Variants in SMARCA2 observed in about 807,000 individuals in gnomAD.
The protein encoded by SMARCA2 is SWI/SNF-related matrix-associated actin-dependent regulator of chromatin subfamily A member 2.
Under a neutral mutation model 199.8 loss-of-function variants are expected in SMARCA2, and 61 were observed. That is an observed-to-expected ratio of 0.31 (90% CI 0.25 to 0.38). The LOEUF (loss-of-function observed/expected upper bound fraction) is 0.38. Ranked by LOEUF, SMARCA2 falls within the 10% of genes least tolerant of loss-of-function variation. The pLI is 1.00. For synonymous variants in SMARCA2, 935 were observed against 732.0 expected, an observed-to-expected ratio of 1.28 and a Z score of -4.48; for missense variants, 1,344 against 2,012.2, an observed-to-expected ratio of 0.67 and a Z score of 6.35.
Position 2,110,841 on chromosome 9 carries a change from TG to T in SMARCA2, c.3456+425del, listed in dbSNP as rs1822961538. Among the ~76,000 whole-genome samples the T allele has an allele frequency of 6.6e-6, 1 of 152,216 alleles. No homozygotes were observed. The highest frequency in any genetic ancestry group is 2.4e-5 in the African/African-American group (1 of 41,448). ...ACCCTGTCAGACGGTTAATATGATT[TG>T]AATCTTTGCAGTCAAGGAAACTGAA... On this transcript the variant is annotated intron_variant, in intron 24 of 33. Coordinates refer to ENST00000349721, the MANE Select transcript of SMARCA2 (RefSeq NM_003070.5). This position sits in a 1 kb window ranked among gnomAD's most constrained non-coding sequence, Gnocchi z 4.8.
In SMARCA2 at chr9:2,163,764, G is replaced by C. The variant is rs3793506; in HGVS notation, c.4199+1861G>C. 6.6e-5 allele frequency among the ~76,000 whole-genome samples: 10 copies of C among 152,290 alleles called. No individual in the cohort carries two copies. In the East Asian group the frequency reaches 1.7e-3, roughly 26 times the overall value. On this transcript the variant is annotated intron_variant, in intron 28 of 33. Transcript: ENST00000349721. ...CTGTTATAACACTGAGAAGGGCCAG[G>C]AAAGTCCTTGGAGGTTGAGAAGCTA...
At chr9:2,082,837 A>T (rs949315231) in intron 15 of SMARCA2, among the ~76,000 whole-genome samples, 1 of 152,198 alleles carries the variant, frequency 6.6e-6, no homozygotes, top group African/African-American at 2.4e-5. Flanking sequence ...ATATTTAGGC[A>T]TCTTTTGCAT....
At chr9:2,053,825 A>G (rs74572827) in intron 5 of SMARCA2, among the ~76,000 whole-genome samples, 183 of 152,328 alleles carry the variant, frequency 1.2e-3, no homozygotes, top group African/African-American at 4.3e-3. Context: ...GTGAATGGCT[A>G]AAGTCAGAGG....
chr9:2,061,385 G>A (rs1820582785), intron 9 of SMARCA2, among the ~76,000 whole-genome samples: 1 of 152,184 alleles, frequency 6.6e-6, no homozygotes, highest in African/African-American at 2.4e-5. Context: ...GTTGGAAGAA[G>A]CCAGAGGAAG....
chr9:2,156,741 A>G (rs1008173923), intron 27 of SMARCA2, among the ~76,000 whole-genome samples: 3 of 152,126 alleles, frequency 2.0e-5, no homozygotes, highest in Admixed American at 1.3e-4. Flanking sequence ...CATTGTAGCC[A>G]TTTCAAGTGT....
At chr9:2,121,102 A>G (rs1823441659) in intron 26 of SMARCA2, among the ~76,000 whole-genome samples, 1 of 152,250 alleles carries the variant, frequency 6.6e-6, no homozygotes, top group African/African-American at 2.4e-5. Context: ...GGAGAGGACA[A>G]GCTGCTTGCC....
chr9:2,116,778 A>G (rs142531567), intron 25 of SMARCA2, among the ~76,000 whole-genome samples: 1,626 of 152,346 alleles, frequency 0.011, 17 homozygotes, highest in Non-Finnish European at 0.016. Flanking sequence ...ACGTATGTAT[A>G]TAGTGTAGCA....
intron 4 of SMARCA2, chr9:2,041,127 T>C (rs1819586835): frequency 5.3e-6 from 2 of 379,492 alleles, no homozygotes; most frequent in Admixed American, 4.5e-5. Context: ...TTCAGATTAG[T>C]ATTTTTTCAT....
chr9:2,072,254 T>C (rs1821119431), intron 10 of SMARCA2, among the ~76,000 whole-genome samples: 1 of 152,200 alleles, frequency 6.6e-6, no homozygotes, highest in South Asian at 2.1e-4. Context: ...AATAGATAAC[T>C]TGAACCACTC....
At chr9:2,031,865 C>T (rs1213322104) in intron 2 of SMARCA2, among the ~76,000 whole-genome samples, 1 of 152,170 alleles carries the variant, frequency 6.6e-6, no homozygotes, top group Non-Finnish European at 1.5e-5. Flanking sequence ...TTCCTTCTTC[C>T]TCTGAGGCTT....
intron 21 of SMARCA2, among the ~76,000 whole-genome samples, chr9:2,097,987 A>T (rs995473640): frequency 6.6e-6 from 1 of 152,238 alleles, no homozygotes; most frequent in African/African-American, 2.4e-5. Flanking sequence ...ATGTAAATCC[A>T]GGCTTTCATC....
At chr9:2,037,581 T>C (rs764681277) in intron 3 of SMARCA2, among the ~76,000 whole-genome samples, 3 of 152,214 alleles carry the variant, frequency 2.0e-5, no homozygotes, top group Non-Finnish European at 4.4e-5. Flanking sequence ...TGAATTATGA[T>C]GGTGAATCCC....
chr9:2,038,126 T>C (rs1819411026), intron 3 of SMARCA2, among the ~76,000 whole-genome samples: 2 of 152,230 alleles, frequency 1.3e-5, no homozygotes, highest in Non-Finnish European at 2.9e-5. Context: ...CCTAACTTAT[T>C]TTCATATAAC....
chr9:2,118,878 T>C (rs1213470239), intron 25 of SMARCA2, among the ~76,000 whole-genome samples: 1 of 152,190 alleles, frequency 6.6e-6, no homozygotes, highest in African/African-American at 2.4e-5. Context: ...ATCCCATCCA[T>C]AGCTCCAATC....
chr9:2,091,800 T>A (rs955630470), intron 19 of SMARCA2, among the ~76,000 whole-genome samples: 1 of 152,214 alleles, frequency 6.6e-6, no homozygotes, highest in African/African-American at 2.4e-5. Context: ...AGCCATTCAA[T>A]AGGTGCATAG....
intron 19 of SMARCA2, among the ~76,000 whole-genome samples, chr9:2,094,860 T>TA (rs777480795): frequency 2.6e-5 from 4 of 152,176 alleles, no homozygotes; most frequent in Non-Finnish European, 4.4e-5. Flanking sequence ...TTATACTTGT[T>TA]AAAGTCTAAA....
At chr9:2,097,287 G>T in intron 20 of SMARCA2, 98 bp from the exon 21 acceptor site, 1 of 741,256 alleles carries the variant, frequency 1.3e-6, no homozygotes, top group South Asian at 1.8e-5. Flanking sequence ...AAAAACCTAT[G>T]GTCCTTTGTC....
chr9:2,120,456 T>C (rs968667697), intron 26 of SMARCA2, among the ~76,000 whole-genome samples: 8 of 152,224 alleles, frequency 5.3e-5, no homozygotes, highest in African/African-American at 1.9e-4. Context: ...GGTGTTTATA[T>C]GTGATCTCTA....
chr9:2,070,639 C>T (rs1415962733), intron 10 of SMARCA2, among the ~76,000 whole-genome samples, 168 bp downstream of exon 10: 1 of 152,140 alleles, frequency 6.6e-6, no homozygotes, highest in Non-Finnish European at 1.5e-5. Context: ...AAAAGGGATA[C>T]AGTGAAAAAT....
Sources: allele counts gnomAD v4.1 joint callset (sites outside exome capture counted in the v4.1 genomes callset), GRCh38; gene constraint gnomAD v4.1.1; non-coding constraint Gnocchi (gnomAD v3.1); transcripts MANE v1.5; gene names NCBI Gene and HGNC (gene_info 2026-07-23, HGNC 2026-07-21).